The following TESPA1 variants were observed in gnomAD, a reference collection of about 807,000 sequenced individuals.
The protein encoded by TESPA1 is thymocyte expressed, positive selection associated 1, also known as protein TESPA1.
A neutral mutation model predicts 57.9 loss-of-function variants in TESPA1; 33 were observed. The ratio of observed to expected loss-of-function variants is 0.57; its 90% CI spans 0.43 to 0.76. The LOEUF (loss-of-function observed/expected upper bound fraction) is 0.76, where lower values mean the gene tolerates loss of function less well. TESPA1 is among the 30% of genes least tolerant of loss of function. The pLI is 0.00. For synonymous variants in TESPA1, 227 were observed against 228.9 expected, an observed-to-expected ratio of 0.99 and a Z score of 0.07; for missense variants, 618 against 632.9, an observed-to-expected ratio of 0.98 and a Z score of 0.25.
intron 2 of TESPA1, 94 bp downstream of exon 2, chr12:54,974,306 A>C: frequency 8.4e-7 from 1 of 1,192,890 alleles, no homozygotes; most frequent in Non-Finnish European, 1.1e-6. Flanking sequence ...GGGCCTGGCT[A>C]AACAAGGAAC....
chr12:54,963,314 G>T, intron 8 of TESPA1, 72 bp from the exon 9 acceptor site: 1 of 1,437,618 alleles, frequency 7.0e-7, no homozygotes, highest in Non-Finnish European at 9.3e-7. Context: ...CCCTTCAGGA[G>T]GCTCCCCAAA....
Position 54,966,073 on chromosome 12 carries a change from C to A in TESPA1, c.426G>T (p.Gly142=), listed in dbSNP as rs1229921765. ...CSLASSSMTG[G]TNKTSSSISE... is the part of the protein sequence containing the mutation. Reference sequence around the variant, plus strand: ...CCTACCTTGAACTAGTCTTGTTGGTCCCCCCAGTCATGCTGCTGGAAGCCA... The same window carrying A: ...CCTACCTTGAACTAGTCTTGTTGGTACCCCCAGTCATGCTGCTGGAAGCCA... The change falls in exon 7 of 11, where the codon GGG becomes GGT. Residue 142 remains glycine, a synonymous_variant. Transcript: ENST00000449076. 2 of 1,575,614 alleles carry A rather than the reference C, an allele frequency of 1.3e-6. No homozygotes were observed. The highest frequency in any genetic ancestry group is 1.8e-5 in the Admixed American group (1 of 54,778).
Position 54,966,407 on chromosome 12 carries a change from T to C in TESPA1, c.328A>G (p.Asn110Asp), listed in dbSNP as rs139412167. The change falls in exon 6 of 11, where the codon AAT (asparagine) becomes GAT (aspartate). Residue 110 changes from asparagine to aspartate, a missense_variant. Transcript: ENST00000449076. ...LGAEATLLAANGKLFSRSFLE... is the reference protein window; with the variant it reads ...LGAEATLLAADGKLFSRSFLE... ...ACTTACCTGGAGAAGAGTTTGCCATTGGCGGCCAGTAGTGTGGCTGGACAA... is the reference window on the plus strand; with the variant it reads ...ACTTACCTGGAGAAGAGTTTGCCATCGGCGGCCAGTAGTGTGGCTGGACAA... 2 of 1,613,746 alleles carry C rather than the reference T, an allele frequency of 1.2e-6. No individual in the cohort carries two copies. The highest frequency in any genetic ancestry group is 1.7e-5 in the Admixed American group (1 of 59,994).
In TESPA1 at chr12:54,962,992, T is replaced by C; in HGVS notation, c.906A>G (p.Pro302=). 6.2e-7 allele frequency: 1 copy of C among 1,613,096 alleles called. No individual in the cohort carries two copies. The highest frequency in any genetic ancestry group is 8.5e-7 in the Non-Finnish European group (1 of 1,179,628). The change falls in exon 9 of 11, where the codon CCA becomes CCG. Residue 302 remains proline (P), a synonymous_variant. Coordinates refer to ENST00000449076, the MANE Select transcript of TESPA1 (RefSeq NM_001136030.3). ...TGTTCCTTTTGGGGGTGTTGTGGGGTGGTGGTGGCCGGTCTCGGGGGCATG... is the reference window on the plus strand; with the variant it reads ...TGTTCCTTTTGGGGGTGTTGTGGGGCGGTGGTGGCCGGTCTCGGGGGCATG... ...LYTCPRDRPP[P]PHNTPKRNSL...
Position 54,962,508 on chromosome 12 carries a change from A to G in TESPA1, c.1390T>C (p.Trp464Arg), listed in dbSNP as rs1211711670. Residue 464 changes from tryptophan (W) to arginine (R), a missense_variant, in exon 9 of 11, where the codon TGG becomes CGG. By Grantham distance (101) the Trp-to-Arg change is moderately radical. This residue lies in a region of TESPA1 where 409 missense variants were observed against 420.1 expected (regional missense o/e 0.97). Transcript: ENST00000449076. ...TCTGGTCTGTCTACACTCTGCTTCC[A>G]TTTCTGCTGGGTGATGGACAGGTCC... ...SLDLSITQQK[W>R]KQSVDRPELR... 8 of 1,613,366 alleles carry G rather than the reference A, an allele frequency of 5.0e-6. No homozygotes were observed. Among genetic ancestry groups the G allele is most frequent in the East Asian group, 2.2e-5 (1 of 44,860 alleles).
Position 54,963,917 on chromosome 12 carries a change from A to G in TESPA1, c.480T>C (p.Asp160=), listed in dbSNP as rs1254207444. Residue 160 remains aspartate, a synonymous_variant, in exon 8 of 11, where the codon GAT becomes GAC. Transcript: ENST00000449076. Reference sequence around the variant, plus strand: ...CCAGACTGAAGAGGACATCTTCTGCATCTTCTTGCACTTTGTCCAGAATTT... The same window carrying G: ...CCAGACTGAAGAGGACATCTTCTGCGTCTTCTTGCACTTTGTCCAGAATTT... ...ISEILDKVQE[D]AEDVLFSLGF... 6.2e-7 allele frequency: 1 copy of G among 1,614,058 alleles called. No individual in the cohort carries two copies.
At chr12:54,965,350 C>T (rs1239448874) in intron 7 of TESPA1, among the ~76,000 whole-genome samples, 1 of 152,106 alleles carries the variant, frequency 6.6e-6, no homozygotes, top group Non-Finnish European at 1.5e-5. Flanking sequence ...CTCCTCTCAC[C>T]CCATCCCCTG....
chr12:54,967,237 C>T lies in TESPA1; in HGVS notation c.257-1G>A, dbSNP rs747126474. On this transcript the variant is annotated splice_acceptor_variant, in intron 4 of 10. Transcript: ENST00000449076. LOFTEE classifies it high-confidence loss of function. ...AAGCTGGTCCCATGGCTGCAGAAGC[C>T]TGTCCAATAATCAGGTGAGGGTCAC... 17 of 1,612,548 alleles carry T rather than the reference C, an allele frequency of 1.1e-5. 1 individual carries two copies. In the South Asian group the frequency reaches 1.9e-4, roughly 18 times the overall value.
At chr12:54,974,347 G>A in intron 2 of TESPA1, 53 bp downstream of exon 2, 1 of 1,496,858 alleles carries the variant, frequency 6.7e-7, no homozygotes, top group Non-Finnish European at 9.0e-7. Flanking sequence ...TGGGCCTGCT[G>A]TCACCTTTTG....
intron 3 of TESPA1, among the ~76,000 whole-genome samples, chr12:54,969,055 G>GTGTAGA (rs141291892): frequency 0.042 from 5,425 of 129,650 alleles, 530 homozygotes; most frequent in African/African-American, 0.15. Flanking sequence ...ATGTGTGTGT[G>GTGTAGA]TAGATAGATA....
At chr12:54,953,011 C>T (rs997808073) in intron 10 of TESPA1, among the ~76,000 whole-genome samples, 4 of 151,670 alleles carry the variant, frequency 2.6e-5, no homozygotes, top group South Asian at 2.1e-4. Flanking sequence ...AAATCTCACT[C>T]GTCCTCCCCT....
chr12:54,972,921 A>G (rs1414292574), intron 3 of TESPA1, among the ~76,000 whole-genome samples: 1 of 152,226 alleles, frequency 6.6e-6, no homozygotes, highest in Non-Finnish European at 1.5e-5. Context: ...ACTGAGCCTA[A>G]GAACGGTACA....
intron 1 of TESPA1, among the ~76,000 whole-genome samples, chr12:54,976,552 AGGAGGGAGGGAG>A: frequency 7.0e-6 from 1 of 142,464 alleles, no homozygotes; most frequent in South Asian, 2.6e-4. Context: ...GAGGAAAAGA[AGGAGGGAGGGAG>A]GGAGGGAGGA....
chr12:54,978,852 C>T (rs536964820), intron 1 of TESPA1, among the ~76,000 whole-genome samples: 1 of 152,350 alleles, frequency 6.6e-6, no homozygotes, highest in African/African-American at 2.4e-5. Flanking sequence ...CCATATGCAA[C>T]AAGACAGTAA....
rs1950284557 is a variant in TESPA1 at position 54,950,018 on chromosome 12, T to A, written c.*374A>T. ...TTGTCCCCTAAACTTGATCCTGAAG[T>A]CTCCTAACTGCCCTTGGCAATGTCA... is the stretch of plus-strand genomic sequence containing the variant. On this transcript the variant is annotated 3_prime_UTR_variant, in exon 11 of 11. Transcript: ENST00000449076. The A allele has an allele frequency of 4.7e-6, 1 of 212,492 alleles. No individual in the cohort carries two copies. Among genetic ancestry groups the A allele is most frequent in the Non-Finnish European group, 9.5e-6 (1 of 105,036 alleles). The allele number at this position is 212,492 out of a possible 1,614,324, so 13.2% of individuals were successfully genotyped here.
chr12:54,953,282 T>A (rs1465369023), intron 10 of TESPA1, among the ~76,000 whole-genome samples: 1 of 152,168 alleles, frequency 6.6e-6, no homozygotes, highest in Non-Finnish European at 1.5e-5. Flanking sequence ...TTTCTATTTA[T>A]CTTTCTTATT....
chr12:54,982,566 A>C (rs1301314677), intron 1 of TESPA1, among the ~76,000 whole-genome samples: 1 of 152,238 alleles, frequency 6.6e-6, no homozygotes, highest in Admixed American at 6.5e-5. Flanking sequence ...GAAATATTAA[A>C]GTTGTGGATT....
chr12:54,966,249 G>A lies in TESPA1; in HGVS notation c.348-98C>T, dbSNP rs959270485. Reference sequence around the variant, plus strand: ...GGACTTATTCACCCCCTGAACAGTAGTCTATGCAGTGCTTGTTCGTTGGAA... The same window carrying A: ...GGACTTATTCACCCCCTGAACAGTAATCTATGCAGTGCTTGTTCGTTGGAA... On this transcript the variant is annotated intron_variant, in intron 6 of 10. Transcript: ENST00000449076. The A allele has an allele frequency of 1.2e-5, 19 of 1,557,898 alleles. No homozygotes were observed. In the African/African-American group the frequency reaches 2.4e-4, roughly 20 times the overall value.
At chr12:54,972,050 A>T (rs554069249) in intron 3 of TESPA1, among the ~76,000 whole-genome samples, 92 of 152,340 alleles carry the variant, frequency 6.0e-4, no homozygotes, top group African/African-American at 1.9e-3. Flanking sequence ...CCCACTTTAT[A>T]GCTCAGGCGT....
Sources: allele counts gnomAD v4.1 joint callset (sites outside exome capture counted in the v4.1 genomes callset), GRCh38; gene constraint gnomAD v4.1.1; regional missense constraint gnomAD v4.1.1; transcripts MANE v1.5; gene names NCBI Gene and HGNC (gene_info 2026-07-23, HGNC 2026-07-21).